Variants in NTRK3 observed in about 807,000 individuals in gnomAD.
NTRK3 encodes NT-3 growth factor receptor.
A neutral mutation model predicts 91.7 loss-of-function variants in NTRK3; 24 were observed. That is an observed-to-expected ratio of 0.26 (90% CI 0.19 to 0.37). The LOEUF is 0.37. Among genes scored for constraint, NTRK3 ranks in the 10% least tolerant of loss-of-function variants. The pLI is 1.00. For missense variants in NTRK3, 880 were observed against 1,068.9 expected (o/e 0.82, Z 2.46); for synonymous variants, 483 against 404.0 (o/e 1.20, Z -2.34).
At chr15:87,963,383 C>G (rs2072484449) in intron 14 of NTRK3, among the ~76,000 whole-genome samples, 1 of 152,190 alleles carries the variant, frequency 6.6e-6, no homozygotes, top group African/African-American at 2.4e-5. Context: ...GAGCATGACA[C>G]AGTCATTAAA....
At chr15:88,049,794 T>C (rs2080630000) in intron 13 of NTRK3, among the ~76,000 whole-genome samples, 1 of 152,226 alleles carries the variant, frequency 6.6e-6, no homozygotes, top group South Asian at 2.1e-4. Context: ...GAAAGAGAGG[T>C]TGGGAGCAGA....
intron 17 of NTRK3, among the ~76,000 whole-genome samples, chr15:87,901,021 G>C (rs1348880615): frequency 3.9e-5 from 6 of 152,170 alleles, no homozygotes; most frequent in African/African-American, 1.4e-4. Flanking sequence ...TCTACAACTG[G>C]GTCCTGGGGT....
chr15:87,979,647 G>A (rs575089009), intron 14 of NTRK3, among the ~76,000 whole-genome samples: 1 of 152,248 alleles, frequency 6.6e-6, no homozygotes, highest in Admixed American at 6.5e-5. Flanking sequence ...AGAGAAACTG[G>A]AAACACTCCA....
intron 13 of NTRK3, among the ~76,000 whole-genome samples, chr15:88,099,786 C>T (rs560135550): frequency 4.0e-4 from 61 of 152,280 alleles, no homozygotes; most frequent in Non-Finnish European, 7.2e-4. Flanking sequence ...TAAGTGCTCA[C>T]ATGAACAAAA....
chr15:88,151,472 G>A (rs901765543), intron 5 of NTRK3, among the ~76,000 whole-genome samples: 21 of 152,178 alleles, frequency 1.4e-4, no homozygotes, highest in African/African-American at 4.8e-4. Flanking sequence ...CTGACCAGTA[G>A]AAACCTAAGC....
chr15:88,170,839 ATCAGCAAAGCCTCAGC>A (rs1246878405), intron 5 of NTRK3, among the ~76,000 whole-genome samples: 1 of 152,168 alleles, frequency 6.6e-6, no homozygotes, highest in African/African-American at 2.4e-5. Context: ...AACTCTGATG[ATCAGCAAAGCCTCAGC>A]TCTAGCAAGA....
intron 3 of NTRK3, among the ~76,000 whole-genome samples, chr15:88,219,779 C>A (rs2050086045): frequency 6.6e-6 from 1 of 152,184 alleles, no homozygotes; most frequent in African/African-American, 2.4e-5. Context: ...TTCTGAGTGC[C>A]AGGCCCTGCA....
chr15:88,215,772 A>G (rs754715684), intron 3 of NTRK3, among the ~76,000 whole-genome samples: 12 of 152,242 alleles, frequency 7.9e-5, no homozygotes, highest in Non-Finnish European at 1.2e-4. Context: ...CCAGGGTAAC[A>G]TCTATATATA....
chr15:87,968,356 G>A (rs1243090414), intron 14 of NTRK3, among the ~76,000 whole-genome samples: 1 of 152,172 alleles, frequency 6.6e-6, no homozygotes, highest in African/African-American at 2.4e-5. Flanking sequence ...AATGGTGCTA[G>A]CCTAACTTCT....
chr15:88,161,537 G>C (rs1179893722), intron 5 of NTRK3, among the ~76,000 whole-genome samples: 1 of 152,220 alleles, frequency 6.6e-6, no homozygotes. Flanking sequence ...TGGTCACTGA[G>C]AGGGGAATTG....
chr15:87,946,450 T>G (rs2070511574), intron 14 of NTRK3, among the ~76,000 whole-genome samples: 1 of 152,188 alleles, frequency 6.6e-6, no homozygotes, highest in Non-Finnish European at 1.5e-5. Context: ...CAGATTGCCT[T>G]AAAAGAAACT....
At chr15:87,975,790 T>C (rs1406154032) in intron 14 of NTRK3, among the ~76,000 whole-genome samples, 1 of 152,208 alleles carries the variant, frequency 6.6e-6, no homozygotes, top group Non-Finnish European at 1.5e-5. Context: ...TCAATTCAGA[T>C]GTTCCAACTC....
intron 17 of NTRK3, among the ~76,000 whole-genome samples, chr15:87,902,539 G>T (rs1432877111): frequency 6.6e-6 from 1 of 152,184 alleles, no homozygotes; most frequent in Non-Finnish European, 1.5e-5. Context: ...ATGGAAAGAA[G>T]TCAGAGTAGA....
Position 88,243,567 on chromosome 15 carries a change from C to CACACACACAT in NTRK3, c.248+12338_248+12339insATGTGTGTGT, listed in dbSNP as rs61401742. Among the ~76,000 whole-genome samples, 677 of 150,540 alleles carry CACACACACAT rather than the reference C, an allele frequency of 4.5e-3. 8 individuals carry two copies. The highest frequency in any genetic ancestry group is 0.015 in the African/African-American group (605 of 40,722). On this transcript the variant is annotated intron_variant, in intron 3 of 18. Transcript: ENST00000394480. The surrounding 1 kb of genome is among the most constrained non-coding windows in gnomAD (Gnocchi z 4.8). ...ACACACACACACACACACACACACA[C>CACACACACAT]ACACACACACTGAGCAAAAGGTATT...
chr15:88,182,624 T>C (rs186851429), intron 5 of NTRK3, among the ~76,000 whole-genome samples: 30 of 152,308 alleles, frequency 2.0e-4, no homozygotes, highest in Non-Finnish European at 3.8e-4. Context: ...GCCACTATCC[T>C]TGGAGTTGAC....
chr15:87,979,492 G>C (rs1567177873), intron 14 of NTRK3: 1 of 1,511,334 alleles, frequency 6.6e-7, no homozygotes, highest in Non-Finnish European at 9.2e-7. Flanking sequence ...AAAAAAAACA[G>C]AAAAAAGCAA....
intron 5 of NTRK3, among the ~76,000 whole-genome samples, chr15:88,173,665 T>G (rs1199705922): frequency 5.3e-5 from 8 of 152,216 alleles, no homozygotes; most frequent in Non-Finnish European, 2.9e-5. Flanking sequence ...TGGTCTCCCA[T>G]GGGCCTTCCC....
rs138428152 is a variant in NTRK3, at chr15:87,928,870, C to T, written c.2133+321G>A. On this transcript the variant is annotated intron_variant, in intron 17 of 18. Transcript: ENST00000394480. ...GGGTGTGTCTGTGTGTGTGTTTGGGCACATACATATACATGTATGAGTATG... is the reference window on the plus strand; with the variant it reads ...GGGTGTGTCTGTGTGTGTGTTTGGGTACATACATATACATGTATGAGTATG... The T allele has an allele frequency of 2.0e-3, 1,072 of 529,876 alleles. 1 individual carries two copies. The highest frequency in any genetic ancestry group is 3.0e-3 in the Non-Finnish European group (900 of 295,700). The allele number at this position is 529,876 out of a possible 1,614,324, so 32.8% of individuals were successfully genotyped here.
intron 13 of NTRK3, among the ~76,000 whole-genome samples, chr15:88,107,033 T>C (rs535676125): frequency 8.8e-6 from 1 of 112,998 alleles, no homozygotes; most frequent in African/African-American, 4.2e-5. Flanking sequence ...CATTTACATA[T>C]ATGTATTCAC....
Sources: gnomAD v4.1 joint callset for allele counts (sites outside exome capture counted in the v4.1 genomes callset) on GRCh38, gnomAD v4.1.1 for gene constraint, Gnocchi (gnomAD v3.1) non-coding constraint, MANE v1.5 for transcripts, NCBI Gene and HGNC (gene_info 2026-07-23, HGNC 2026-07-21) for gene names.